The following MED12L variants were observed in gnomAD, a reference collection of about 807,000 sequenced individuals.
MED12L encodes the protein mediator of RNA polymerase II transcription subunit 12-like protein.
In MED12L, 60 loss-of-function variants were observed where a neutral mutation model predicts 281.3. The ratio of observed to expected loss-of-function variants is 0.21; its 90% CI spans 0.17 to 0.26. The LOEUF is 0.26. Among genes scored for constraint, MED12L ranks in the 10% least tolerant of loss-of-function variants. The pLI is 1.00. For missense variants in MED12L, 2,146 were observed against 2,680.9 expected, an observed-to-expected ratio of 0.80 and a Z score of 4.41; for synonymous variants, 974 against 987.2, an observed-to-expected ratio of 0.99 and a Z score of 0.25.
intron 2 of MED12L, among the ~76,000 whole-genome samples, chr3:151,114,038 C>A (rs1712340643): frequency 6.6e-6 from 1 of 152,184 alleles, no homozygotes; most frequent in Admixed American, 6.5e-5. Flanking sequence ...ATCCTACTTT[C>A]CCCCTGAGCT....
chr3:151,295,620 C>A (rs553753060), intron 16 of MED12L, among the ~76,000 whole-genome samples: 3 of 152,208 alleles, frequency 2.0e-5, no homozygotes, highest in African/African-American at 7.2e-5. Context: ...TCAGTGTAGT[C>A]TTTGGCACCC....
chr3:151,312,271 A>G (rs1280610279), intron 16 of MED12L, among the ~76,000 whole-genome samples: 1 of 152,188 alleles, frequency 6.6e-6, no homozygotes, highest in East Asian at 1.9e-4. Context: ...ACAGATATTT[A>G]TGCATTGTTT....
At chr3:151,305,456 T>C (rs530499220) in intron 16 of MED12L, among the ~76,000 whole-genome samples, 2 of 152,326 alleles carry the variant, frequency 1.3e-5, no homozygotes, top group African/African-American at 4.8e-5. Flanking sequence ...TGGAAAAGGA[T>C]TAACACATTC....
rs954200202 is a variant in MED12L, at chr3:151,317,466, T to G, written c.2251-32593T>G. ...TTTTTTTTTTTTTTTTTTTTTTTTTTGTGAGACGGAGTCTCACACTGTTGC... is the reference window on the plus strand; with the variant it reads ...TTTTTTTTTTTTTTTTTTTTTTTTTGGTGAGACGGAGTCTCACACTGTTGC... On this transcript the variant is annotated intron_variant, in intron 16 of 44. Transcript: ENST00000687756. Among the ~76,000 whole-genome samples the G allele has an allele frequency of 5.3e-5, 7 of 131,604 alleles. No homozygotes were observed. In the East Asian group the frequency reaches 1.5e-3, roughly 28 times the overall value. 86.3% of individuals were successfully genotyped at this position (131,604 alleles called of 152,430 possible).
At chr3:151,104,388 TA>T (rs1206319039) in intron 2 of MED12L, among the ~76,000 whole-genome samples, 1 of 152,314 alleles carries the variant, frequency 6.6e-6, no homozygotes, top group African/African-American at 2.4e-5. Context: ...CAGCCTCCTT[TA>T]AAAAACTTCT....
At chr3:151,291,359 T>C (rs1577245233) in intron 16 of MED12L, among the ~76,000 whole-genome samples, 2 of 152,180 alleles carry the variant, frequency 1.3e-5, no homozygotes, top group African/African-American at 4.8e-5. Context: ...TATTATACAA[T>C]TTCAAATTGA....
chr3:151,240,633 A>G (rs1733888532), intron 16 of MED12L, among the ~76,000 whole-genome samples: 1 of 152,244 alleles, frequency 6.6e-6, no homozygotes, highest in South Asian at 2.1e-4. Context: ...TCCTTTATCT[A>G]CCATGCAAGA....
At chr3:151,396,816 A>G (rs1715040208) in intron 39 of MED12L, among the ~76,000 whole-genome samples, 1 of 152,214 alleles carries the variant, frequency 6.6e-6, no homozygotes, top group South Asian at 2.1e-4. Context: ...CCACTGGGCC[A>G]TTATGGGTAA....
chr3:151,262,427 A>G (rs766676265), intron 16 of MED12L, among the ~76,000 whole-genome samples: 9 of 152,176 alleles, frequency 5.9e-5, no homozygotes, highest in Non-Finnish European at 1.3e-4. Context: ...GTGAATGTAA[A>G]CATGGTACCT....
intron 5 of MED12L, among the ~76,000 whole-genome samples, chr3:151,141,776 A>G (rs1343719264): frequency 2.6e-5 from 4 of 152,164 alleles, no homozygotes; most frequent in Admixed American, 6.5e-5. Flanking sequence ...TCTGTTCCAG[A>G]TAGTATATTC....
chr3:151,273,140 A>G (rs1274968421), intron 16 of MED12L, among the ~76,000 whole-genome samples: 1 of 151,794 alleles, frequency 6.6e-6, no homozygotes, highest in East Asian at 1.9e-4. Context: ...TTTGGCTTCC[A>G]TTGTTCTTAT....
chr3:151,273,006 A>ATTG (rs762969488), intron 16 of MED12L, among the ~76,000 whole-genome samples: 40 of 152,182 alleles, frequency 2.6e-4, no homozygotes, highest in Non-Finnish European at 5.4e-4. Flanking sequence ...AGAAATGTTC[A>ATTG]TTGGAGCATT....
At chr3:151,141,195 T>TTTTTTTG (rs1560088024) in intron 5 of MED12L, among the ~76,000 whole-genome samples, 1 of 146,588 alleles carries the variant, frequency 6.8e-6, no homozygotes, top group African/African-American at 2.6e-5. Flanking sequence ...TTGTTTTTTT[T>TTTTTTTG]TTTTTGTTAG....
At chr3:151,317,624 G>A (rs1394370533) in intron 16 of MED12L, among the ~76,000 whole-genome samples, 2 of 150,940 alleles carry the variant, frequency 1.3e-5, no homozygotes, top group South Asian at 4.2e-4. Context: ...CTAATTTTTT[G>A]TATTTTTAGT....
chr3:151,342,898 T>C (rs1225175584), intron 16 of MED12L, among the ~76,000 whole-genome samples: 28 of 152,172 alleles, frequency 1.8e-4, no homozygotes, highest in Non-Finnish European at 1.5e-5. Context: ...TTATTAATAA[T>C]CTCAACTATT....
chr3:151,157,395 A>G (rs1719426474), intron 6 of MED12L, among the ~76,000 whole-genome samples: 1 of 152,182 alleles, frequency 6.6e-6, no homozygotes, highest in Non-Finnish European at 1.5e-5. Context: ...ATGCAGAAAC[A>G]AGGGCATGGG....
chr3:151,374,357 G>A (rs1202369970), intron 27 of MED12L, among the ~76,000 whole-genome samples: 6 of 152,170 alleles, frequency 3.9e-5, no homozygotes, highest in Non-Finnish European at 8.8e-5. Flanking sequence ...AGACCAGCCT[G>A]GCCAACATGG....
chr3:151,386,347 T>C (rs1014772126), intron 36 of MED12L, among the ~76,000 whole-genome samples: 8 of 152,166 alleles, frequency 5.3e-5, no homozygotes, highest in African/African-American at 1.9e-4. Flanking sequence ...AAACAGTCAA[T>C]TTACAGGTGG....
At chr3:151,119,293 A>G (rs1032179016) in intron 3 of MED12L, among the ~76,000 whole-genome samples, 61 of 149,428 alleles carry the variant, frequency 4.1e-4, no homozygotes, top group African/African-American at 1.3e-3. Flanking sequence ...CAGGGCTGCT[A>G]TAACAAAATA....
Sources: allele counts gnomAD v4.1 joint callset (sites outside exome capture counted in the v4.1 genomes callset), GRCh38; gene constraint gnomAD v4.1.1; transcripts MANE v1.5; gene names NCBI Gene and HGNC (gene_info 2026-07-23, HGNC 2026-07-21).